Variants in ROBO2 observed in about 807,000 individuals in gnomAD.
ROBO2 encodes the protein roundabout homolog 2.
A neutral mutation model predicts 160.8 loss-of-function variants in ROBO2; 53 were observed. The ratio of observed to expected loss-of-function variants is 0.33; its 90% CI spans 0.26 to 0.41. The LOEUF is 0.41. Ranked by LOEUF, ROBO2 falls within the 10% of genes least tolerant of loss-of-function variation. ROBO2 has a pLI of 1.00. For missense variants in ROBO2, 1,577 were observed against 1,722.4 expected, an observed-to-expected ratio of 0.92 and a Z score of 1.49; for synonymous variants, 664 against 611.7, an observed-to-expected ratio of 1.09 and a Z score of -1.26.
At position 76,725,177 on chromosome 3, in the gene ROBO2, A is replaced by AT. The variant is rs1180410605; in HGVS notation, c.110-372827dup. Among the ~76,000 whole-genome samples, 1,172 of 150,812 alleles carry AT rather than the reference A, an allele frequency of 7.8e-3. 21 individuals are homozygous for AT. The highest frequency in any genetic ancestry group is 0.026 in the African/African-American group (1,084 of 41,140). ...GAAGGCACTAAGGTAATGGCCAAGA[A>AT]TTTTTTTTTTCAAATTTTCTACTCT... is the stretch of plus-strand genomic sequence containing the variant. On this transcript the variant is annotated intron_variant, in intron 2 of 26. Transcript: ENST00000487694.
intron 2 of ROBO2, among the ~76,000 whole-genome samples, chr3:76,447,161 C>G (rs977929395): frequency 6.6e-6 from 1 of 152,146 alleles, no homozygotes; most frequent in Non-Finnish European, 1.5e-5. Context: ...GGGCTCATAT[C>G]CAGAATCTAC....
At chr3:77,179,258 C>G (rs954456897) in intron 2 of ROBO2, among the ~76,000 whole-genome samples, 1 of 151,526 alleles carries the variant, frequency 6.6e-6, no homozygotes, top group African/African-American at 2.4e-5. Flanking sequence ...TTGCTAATAA[C>G]TCTTCACTTC....
At position 76,781,320 on chromosome 3, in the gene ROBO2, G is replaced by A. The variant is rs138253265; in HGVS notation, c.110-316694G>A. On this transcript the variant is annotated intron_variant, in intron 2 of 26. Transcript: ENST00000487694. ...TCATTTATTTTTTATGGAGTCTTTA[G>A]GGTTTTCTATATATAAGATCAGGTT... is the stretch of plus-strand genomic sequence containing the variant. 1.5e-3 allele frequency among the ~76,000 whole-genome samples: 232 copies of A among 150,584 alleles called. 3 individuals are homozygous for A. The highest frequency in any genetic ancestry group is 0.011 in the Admixed American group (169 of 15,066).
Position 77,294,262 on chromosome 3 carries a change from C to T in ROBO2, c.389-183152C>T, listed in dbSNP as rs142540268. ...ACATAAAGTAAAATTGATGGTTAAACGGGAAGTTGAGGCTAGAGCACTAAA... is the reference window on the plus strand; with the variant it reads ...ACATAAAGTAAAATTGATGGTTAAATGGGAAGTTGAGGCTAGAGCACTAAA... On this transcript the variant is annotated intron_variant, in intron 2 of 25. Transcript: ENST00000461745. Among the ~76,000 whole-genome samples, 56 of 131,336 alleles carry T rather than the reference C, an allele frequency of 4.3e-4. 3 individuals carry two copies. In the East Asian group the frequency reaches 0.01, roughly 24 times the overall value. 86.2% of individuals were successfully genotyped at this position (131,336 alleles called of 152,430 possible).
chr3:76,304,566 A>G (rs2071227981), intron 2 of ROBO2, among the ~76,000 whole-genome samples: 1 of 152,204 alleles, frequency 6.6e-6, no homozygotes, highest in African/African-American at 2.4e-5. Flanking sequence ...TGGAGTATAT[A>G]ATACAACATT....
At chr3:77,092,650 C>A (rs2070464070) in intron 1 of ROBO2, among the ~76,000 whole-genome samples, 2 of 144,336 alleles carry the variant, frequency 1.4e-5, no homozygotes, top group Non-Finnish European at 3.0e-5. Context: ...TATATTTTAA[C>A]AATATATATT....
intron 1 of ROBO2, among the ~76,000 whole-genome samples, chr3:77,050,869 T>A (rs555360648): frequency 8.7e-5 from 13 of 149,960 alleles, no homozygotes; most frequent in African/African-American, 3.2e-4. Context: ...AAAAAAAAAA[T>A]TAGCTGGGCA....
intron 2 of ROBO2, among the ~76,000 whole-genome samples, chr3:76,911,070 A>G (rs1013074379): frequency 2.6e-5 from 4 of 152,206 alleles, no homozygotes; most frequent in Non-Finnish European, 5.9e-5. Context: ...TAAGATAAAC[A>G]AGTGAGAGGA....
At chr3:76,464,644 C>T (rs533525617) in intron 2 of ROBO2, among the ~76,000 whole-genome samples, 5 of 152,028 alleles carry the variant, frequency 3.3e-5, no homozygotes, top group African/African-American at 1.2e-4. Flanking sequence ...AACTCCTTTA[C>T]CCTTTCTCTA....
rs145391348 is a variant in ROBO2, at chr3:77,171,676, A to G, written c.388+73336A>G. ...GTATCAGAATGAGAGACTCAATTCC[A>G]TAATTTTGCCAGAGAAGCATCATTT... On this transcript the variant is annotated intron_variant, in intron 2 of 25. Coordinates refer to ENST00000461745, the Ensembl canonical transcript of ROBO2. Among the ~76,000 whole-genome samples, 454 of 152,348 alleles carry G rather than the reference A, an allele frequency of 3.0e-3. 3 individuals are homozygous for G. Among genetic ancestry groups the G allele is most frequent in the African/African-American group, 9.9e-3 (413 of 41,596 alleles).
chr3:77,045,663 T>A lies in ROBO2; in HGVS notation c.61+4817T>A, dbSNP rs370736189. On this transcript the variant is annotated intron_variant, in intron 1 of 25. Coordinates refer to ENST00000461745, the Ensembl canonical transcript of ROBO2. ...CCAATGAGGAACCATTTTTCACTTG[T>A]TCTCACAACTTGTATTCAACTTGTT... Among the ~76,000 whole-genome samples the A allele has an allele frequency of 4.5e-4, 68 of 152,320 alleles. 2 individuals carry two copies. The South Asian group carries it at 0.014, about 32-fold the overall frequency.
chr3:76,439,797 G>C (rs10222502), intron 2 of ROBO2, among the ~76,000 whole-genome samples: 9,601 of 152,114 alleles, frequency 0.063, 1,014 homozygotes, highest in African/African-American at 0.22. Flanking sequence ...CATTTGCTAA[G>C]TATTAGAATT....
At chr3:76,145,479 C>T (rs1006612583) in intron 2 of ROBO2, among the ~76,000 whole-genome samples, 5 of 151,904 alleles carry the variant, frequency 3.3e-5, no homozygotes, top group Non-Finnish European at 5.9e-5. Context: ...ATTAACTATT[C>T]TCCACTTTGT....
intron 2 of ROBO2, among the ~76,000 whole-genome samples, chr3:77,341,636 A>G (rs2067073237): frequency 1.3e-5 from 2 of 152,142 alleles, no homozygotes. Flanking sequence ...CTGTTTCACC[A>G]AAGAGAATAC....
intron 2 of ROBO2, among the ~76,000 whole-genome samples, chr3:76,765,298 T>C (rs1029689234): frequency 6.6e-6 from 1 of 151,716 alleles, no homozygotes; most frequent in African/African-American, 2.4e-5. Context: ...TACCTGGTTG[T>C]CAAGGAAAAC....
chr3:77,236,423 A>C (rs1257483446), intron 2 of ROBO2, among the ~76,000 whole-genome samples: 2 of 152,176 alleles, frequency 1.3e-5, no homozygotes, highest in Non-Finnish European at 2.9e-5. Context: ...GAAATCTGAA[A>C]GAGAGGAGGG....
intron 2 of ROBO2, among the ~76,000 whole-genome samples, chr3:76,746,530 T>G (rs956102314): frequency 3.3e-5 from 5 of 151,916 alleles, no homozygotes; most frequent in African/African-American, 1.2e-4. Flanking sequence ...GCCATTCTAA[T>G]TGGTGTGAGA....
intron 1 of ROBO2, among the ~76,000 whole-genome samples, chr3:75,929,607 T>C (rs892677008): frequency 1.3e-5 from 2 of 152,112 alleles, no homozygotes; most frequent in African/African-American, 4.8e-5. Flanking sequence ...TTGCAAATTG[T>C]ACTGTTCCTT....
chr3:77,548,939 C>T (rs1004244254), intron 7 of ROBO2, among the ~76,000 whole-genome samples: 11 of 151,922 alleles, frequency 7.2e-5, no homozygotes, highest in Admixed American at 5.9e-4. Flanking sequence ...CTTACTATTT[C>T]CAGTATCCAG....
Sources: gnomAD v4.1 joint callset for allele counts (sites outside exome capture counted in the v4.1 genomes callset) on GRCh38, gnomAD v4.1.1 for gene constraint, MANE v1.5 for transcripts, NCBI Gene and HGNC (gene_info 2026-07-23, HGNC 2026-07-21) for gene names.